The following IQSEC3 variants were observed in gnomAD, a reference collection of about 807,000 sequenced individuals.
The protein encoded by IQSEC3 is IQ motif and Sec7 domain ArfGEF 3, also known as IQ motif and SEC7 domain-containing protein 3.
Under a neutral mutation model 105.4 loss-of-function variants are expected in IQSEC3, and 50 were observed. The observed-to-expected ratio is 0.47, with a 90% CI of 0.38 to 0.60. The LOEUF (loss-of-function observed/expected upper bound fraction) is 0.60, where lower values mean the gene tolerates loss of function less well. IQSEC3 is among the 20% of genes least tolerant of loss of function. The pLI is 0.00. For synonymous variants in IQSEC3, 708 were observed against 746.0 expected, an observed-to-expected ratio of 0.95 and a Z score of 0.83; for missense variants, 1,415 against 1,630.0, an observed-to-expected ratio of 0.87 and a Z score of 2.27.
chr12:150,664 A>G (rs539212350), intron 5 of IQSEC3, among the ~76,000 whole-genome samples: 1 of 152,332 alleles, frequency 6.6e-6, no homozygotes, highest in Admixed American at 6.5e-5. Flanking sequence ...ATTTGGCCAC[A>G]TAGCAACCAG....
At chr12:75,311 A>C (rs2136868154) in intron 1 of IQSEC3, among the ~76,000 whole-genome samples, 1 of 152,348 alleles carries the variant, frequency 6.6e-6, no homozygotes, top group East Asian at 1.9e-4. Flanking sequence ...AGATCAGTCT[A>C]AATGTATTTT....
At chr12:155,152 G>A (rs946678371) in intron 5 of IQSEC3, among the ~76,000 whole-genome samples, 7 of 152,246 alleles carry the variant, frequency 4.6e-5, no homozygotes, top group Non-Finnish European at 7.3e-5. Context: ...GGGCTGCAAA[G>A]GGTGCAGGGT....
At chr12:172,185 A>G (rs781925099) in intron 13 of IQSEC3, among the ~76,000 whole-genome samples, 50 of 152,172 alleles carry the variant, frequency 3.3e-4, no homozygotes, top group East Asian at 1.5e-3. Context: ...AAGCAGCAGG[A>G]TACCCCGGGG....
chr12:114,555 A>G lies in IQSEC3; in HGVS notation c.624-11078A>G, dbSNP rs576426833. Among the ~76,000 whole-genome samples the G allele has an allele frequency of 2.0e-4, 30 of 152,262 alleles. 1 individual carries two copies. The highest frequency in any genetic ancestry group is 2.9e-4 in the Non-Finnish European group (20 of 68,046). On this transcript the variant is annotated intron_variant, in intron 2 of 13. Transcript: ENST00000538872. ...GAAGGACAAATTTGGGGAAGAGATC[A>G]AAGAAGCTAAAGACCCGGATGAATG...
intron 3 of IQSEC3, among the ~76,000 whole-genome samples, chr12:126,270 C>T (rs535875278): frequency 8.0e-4 from 122 of 152,356 alleles, no homozygotes; most frequent in African/African-American, 2.8e-3. Context: ...AGGCCATAGT[C>T]CAGCTTCCAC....
At chr12:106,646 G>A (rs1864663644) in intron 2 of IQSEC3, 1 of 152,232 alleles carries the variant, frequency 6.6e-6, no homozygotes, top group Non-Finnish European at 1.5e-5. Context: ...ATTCGGTAAT[G>A]CAGTTTTATC....
At position 136,395 on chromosome 12, in the gene IQSEC3, C is replaced by T. The variant is rs533590092; in HGVS notation, c.904-1872C>T. 6.6e-5 allele frequency among the ~76,000 whole-genome samples: 10 copies of T among 152,234 alleles called. No homozygotes were observed. In the East Asian group the frequency reaches 1.4e-3, roughly 21 times the overall value. Reference sequence around the variant, plus strand: ...TGAGCTAAGAGGCTACCTCTGCTAGCGTGGAATGGGGCACCCATCACACCC... The same window carrying T: ...TGAGCTAAGAGGCTACCTCTGCTAGTGTGGAATGGGGCACCCATCACACCC... On this transcript the variant is annotated intron_variant, in intron 3 of 13. Coordinates refer to ENST00000538872, the MANE Select transcript of IQSEC3 (RefSeq NM_001170738.2).
chr12:75,408 C>T (rs1408213558), intron 1 of IQSEC3, among the ~76,000 whole-genome samples: 1 of 152,198 alleles, frequency 6.6e-6, no homozygotes, highest in Non-Finnish European at 1.5e-5. Context: ...CTTCCACTGA[C>T]TGGTCATGGA....
chr12:96,046 C>T (rs1555074705), intron 1 of IQSEC3, among the ~76,000 whole-genome samples: 2 of 152,124 alleles, frequency 1.3e-5, no homozygotes, highest in African/African-American at 4.8e-5. Context: ...CCTAAGAACA[C>T]GCACCCAAGG....
intron 7 of IQSEC3, among the ~76,000 whole-genome samples, chr12:159,769 C>T (rs1453276329): frequency 6.6e-6 from 1 of 152,218 alleles, no homozygotes; most frequent in Non-Finnish European, 1.5e-5. Flanking sequence ...AAACTCATGT[C>T]CTCCGGTCAT....
chr12:113,646 C>T (rs77874902), intron 2 of IQSEC3, among the ~76,000 whole-genome samples: 6,534 of 152,282 alleles, frequency 0.043, 169 homozygotes, highest in South Asian at 0.11. Flanking sequence ...AGGGAACTGA[C>T]TCATCAGAAA....
intron 1 of IQSEC3, among the ~76,000 whole-genome samples, chr12:74,335 T>G (rs1304732503): frequency 1.3e-5 from 2 of 152,230 alleles, no homozygotes; most frequent in Non-Finnish European, 2.9e-5. Flanking sequence ...TTAAAGACTT[T>G]TCTTACATGA....
intron 1 of IQSEC3, among the ~76,000 whole-genome samples, chr12:87,631 G>C (rs553725145): frequency 3.3e-4 from 50 of 152,294 alleles, no homozygotes; most frequent in African/African-American, 1.2e-3. Flanking sequence ...TTGTAACCAG[G>C]GGAGCAGAGT....
intron 5 of IQSEC3, among the ~76,000 whole-genome samples, chr12:150,677 A>C (rs1866471963): frequency 6.6e-6 from 1 of 152,240 alleles, no homozygotes; most frequent in Non-Finnish European, 1.5e-5. Flanking sequence ...GCAACCAGCA[A>C]TGGCCGTGAC....
chr12:138,116 G>C lies in IQSEC3; in HGVS notation c.904-151G>C, dbSNP rs113174015. 1.3e-4 allele frequency: 89 copies of C among 666,966 alleles called. No individual in the cohort carries two copies. The African/African-American group carries it at 1.5e-3, about 11-fold the overall frequency. 41.3% of individuals were successfully genotyped at this position (666,966 alleles called of 1,614,324 possible). A position where few individuals can be genotyped will look rare whatever the true frequency, so the allele number is the denominator to read the frequency against. ...GCCACGTGGCCAGGACGTTCTAGGC[G>C]GTTCAGACTTTAGCTGCCCAGGAGC... is the stretch of plus-strand genomic sequence containing the variant. On this transcript the variant is annotated intron_variant, in intron 3 of 13. Transcript: ENST00000538872. This position sits in a 1 kb window ranked among gnomAD's most constrained non-coding sequence, Gnocchi z 7.1.
At chr12:71,347 C>T (rs1863309435) in intron 1 of IQSEC3, among the ~76,000 whole-genome samples, 1 of 152,278 alleles carries the variant, frequency 6.6e-6, no homozygotes, top group Admixed American at 6.5e-5. Context: ...ACCCTGCACT[C>T]AGTGCTGTGG....
intron 2 of IQSEC3, among the ~76,000 whole-genome samples, chr12:103,141 G>A (rs1555076679): frequency 1.3e-5 from 2 of 151,882 alleles, no homozygotes; most frequent in Admixed American, 1.3e-4. Context: ...CGCTGAATAT[G>A]CCAGTAATTG....
intron 2 of IQSEC3, among the ~76,000 whole-genome samples, chr12:124,028 TG>T (rs1453968751): frequency 6.6e-6 from 1 of 152,018 alleles, no homozygotes; most frequent in Non-Finnish European, 1.5e-5. Flanking sequence ...ATGAAGGGGC[TG>T]GGGGACGTAA....
intron 2 of IQSEC3, among the ~76,000 whole-genome samples, chr12:117,723 G>C (rs1555080980): frequency 6.6e-6 from 1 of 152,206 alleles, no homozygotes. Context: ...AAGCCTGGAG[G>C]CAACAAGGAG....
Sources: gnomAD v4.1 joint callset for allele counts (sites outside exome capture counted in the v4.1 genomes callset) on GRCh38, gnomAD v4.1.1 for gene constraint, Gnocchi (gnomAD v3.1) non-coding constraint, MANE v1.5 for transcripts, NCBI Gene and HGNC (gene_info 2026-07-23, HGNC 2026-07-21) for gene names.